Variants in NF1 observed in about 807,000 individuals in gnomAD.
NF1 encodes neurofibromin.
Under a neutral mutation model 325.7 loss-of-function variants are expected in NF1, and 122 were observed. That is an observed-to-expected ratio of 0.37 (90% CI 0.32 to 0.44). The LOEUF (loss-of-function observed/expected upper bound fraction) is 0.44. NF1 is among the 20% of genes least tolerant of loss of function. The pLI, the probability that NF1 is intolerant of heterozygous loss-of-function variation, is 1.00. For synonymous variants in NF1, 1,091 were observed against 1,186.0 expected (o/e 0.92, Z 1.65); for missense variants, 2,140 against 3,415.4 (o/e 0.63, Z 9.31).
At chr17:31,289,466 T>G (rs562546874) in intron 36 of NF1, among the ~76,000 whole-genome samples, 179 of 152,372 alleles carry the variant, frequency 1.2e-3, no homozygotes, top group African/African-American at 3.9e-3. Context: ...GTTCTTTTCT[T>G]AGATCTCTTG....
At position 31,357,445 on chromosome 17, in the gene NF1, G is replaced by A; in HGVS notation, c.7970+76G>A. 3.4e-6 allele frequency: 4 copies of A among 1,177,088 alleles called. No individual in the cohort carries two copies. The South Asian group carries it at 4.9e-5, about 14-fold the overall frequency. The allele number at this position is 1,177,088 out of a possible 1,614,324, so 72.9% of individuals were successfully genotyped here. On this transcript the variant is annotated intron_variant, in intron 54 of 57. Coordinates refer to ENST00000358273, the MANE Select transcript of NF1 (RefSeq NM_001042492.3). ...AAATGCTTACCCAGTAATGTGCACT[G>A]GTTGCAAAGAGGGCAAAATGAGATA... is the stretch of plus-strand genomic sequence containing the variant.
intron 1 of NF1, among the ~76,000 whole-genome samples, chr17:31,152,567 A>G (rs1382317572): frequency 1.5e-5 from 2 of 136,842 alleles, no homozygotes; most frequent in African/African-American, 5.5e-5. Context: ...ACATTTGTTT[A>G]CTCTTAAAGC....
rs1567849181 is a variant in NF1 at position 31,229,424 on chromosome 17, T to G, written c.2809T>G (p.Leu937Val). 6.2e-7 allele frequency: 1 copy of G among 1,613,800 alleles called. No homozygotes were observed. The highest frequency in any genetic ancestry group is 1.3e-5 in the African/African-American group (1 of 74,922). ...TCTGTATCCAATGCTATTTAACAAA[T>G]TGAAGAATACCATCAGCAAGTTTTT... The part of the protein sequence containing the change: ...PALYPMLFNK[L>V]KNTISKFFDS... Residue 937 changes from leucine (L) to valine (V), a missense_variant, in exon 21 of 58, where the codon TTG becomes GTG. By Grantham distance (32) the Leu-to-Val change is conservative. Around this residue, in one of 10 missense-constraint regions of NF1, gnomAD observed 380 missense variants for 639.3 expected, o/e 0.59. Coordinates refer to ENST00000358273, the MANE Select transcript of NF1 (RefSeq NM_001042492.3).
At chr17:31,360,818 C>G in intron 57 of NF1, 115 bp downstream of exon 57, 2 of 864,440 alleles carry the variant, frequency 2.3e-6, no homozygotes, top group South Asian at 2.7e-5. Context: ...TGAGATTCAC[C>G]TTACATTTCT....
chr17:31,254,937 G>T (rs1034682511), intron 31 of NF1, among the ~76,000 whole-genome samples: 19 of 152,066 alleles, frequency 1.2e-4, no homozygotes, highest in African/African-American at 4.6e-4. Flanking sequence ...ATGGAGTTGT[G>T]TGCTTTAACA....
rs17883478 is a variant in NF1 at position 31,277,193 on chromosome 17, G to A, written c.4835+11854G>A. ...AAGAGGGATTGGTCTTACTGTCCCC[G>A]GGCTGGCAGAGGTGGAAGTAAACCT... On this transcript the variant is annotated intron_variant, in intron 36 of 57. Coordinates refer to ENST00000358273, the MANE Select transcript of NF1 (RefSeq NM_001042492.3). Among the ~76,000 whole-genome samples, 39 of 152,216 alleles carry A rather than the reference G, an allele frequency of 2.6e-4. No homozygotes were observed. The East Asian group carries it at 2.7e-3, about 11-fold the overall frequency.
rs562491199 is a variant in NF1 at position 31,242,918 on chromosome 17, G to T, written c.3975-6066G>T. 3.0e-4 allele frequency among the ~76,000 whole-genome samples: 45 copies of T among 152,276 alleles called. 1 individual carries two copies. In the South Asian group the frequency reaches 8.7e-3, roughly 29 times the overall value. On this transcript the variant is annotated intron_variant, in intron 29 of 57. Transcript: ENST00000358273. ...TAGTCTTTGTAGTCTGGGCTTGTTT[G>T]TACCCACCCTTCTGGGGAAGGCTTT... is the stretch of plus-strand genomic sequence containing the variant.
At chr17:31,260,258 C>A in intron 33 of NF1, 111 bp from the exon 34 acceptor site, 1 of 1,128,680 alleles carries the variant, frequency 8.9e-7, no homozygotes, top group Non-Finnish European at 1.3e-6. Context: ...AACAAGCCCT[C>A]CATATTTGTA....
At chr17:31,173,143 G>A (rs1332322744) in intron 5 of NF1, among the ~76,000 whole-genome samples, 3 of 152,136 alleles carry the variant, frequency 2.0e-5, no homozygotes, top group African/African-American at 4.8e-5. Flanking sequence ...TGGGCTGGGC[G>A]CGGTGGCTCA....
At chr17:31,269,119 A>G (rs986599658) in intron 36 of NF1, among the ~76,000 whole-genome samples, 3 of 152,096 alleles carry the variant, frequency 2.0e-5, no homozygotes, top group East Asian at 1.9e-4. Context: ...TGTCTTACCT[A>G]TACTAATGTA....
chr17:31,211,215 A>G (rs545353143), intron 12 of NF1, among the ~76,000 whole-genome samples: 70 of 152,326 alleles, frequency 4.6e-4, no homozygotes, highest in Non-Finnish European at 7.8e-4. Context: ...TTCTATTCCT[A>G]CTAATACCTG....
At chr17:31,266,007 T>C (rs1328089282) in intron 36 of NF1, among the ~76,000 whole-genome samples, 1 of 152,208 alleles carries the variant, frequency 6.6e-6, no homozygotes, top group East Asian at 1.9e-4. Context: ...TGTGACGTTA[T>C]TTGGTCAGTT....
At chr17:31,216,403 G>T (rs2143969624) in intron 13 of NF1, among the ~76,000 whole-genome samples, 1 of 152,248 alleles carries the variant, frequency 6.6e-6, no homozygotes, top group East Asian at 1.9e-4. Flanking sequence ...AAGATTCGTT[G>T]TAAATATTTG....
At chr17:31,276,702 T>C (rs1273726455) in intron 36 of NF1, among the ~76,000 whole-genome samples, 5 of 152,218 alleles carry the variant, frequency 3.3e-5, no homozygotes, top group Admixed American at 2.6e-4. Flanking sequence ...ACATAATACA[T>C]GATAAGAATA....
intron 24 of NF1, among the ~76,000 whole-genome samples, chr17:31,231,333 C>G (rs2151432919): frequency 6.6e-6 from 1 of 152,206 alleles, no homozygotes; most frequent in Non-Finnish European, 1.5e-5. Flanking sequence ...AGGAAGTAAT[C>G]AAGTCTGCTT....
intron 14 of NF1, 189 bp downstream of exon 14, chr17:31,219,307 T>A: frequency 2.0e-6 from 1 of 495,442 alleles, no homozygotes; most frequent in Non-Finnish European, 3.6e-6. Context: ...TTGTATCACA[T>A]AGCAATAACA....
intron 15 of NF1, chr17:31,222,794 C>A: frequency 6.2e-6 from 1 of 162,526 alleles, no homozygotes; most frequent in East Asian, 1.5e-4. Context: ...CAGCACATCT[C>A]AATTTGAACA....
intron 36 of NF1, among the ~76,000 whole-genome samples, chr17:31,275,177 A>G (rs1470281778): frequency 6.6e-6 from 1 of 152,206 alleles, no homozygotes; most frequent in East Asian, 1.9e-4. Context: ...CAACTTGCCC[A>G]AAGTGTAATA....
At chr17:31,102,381 G>T (rs1396605465) in intron 1 of NF1, among the ~76,000 whole-genome samples, 3 of 152,018 alleles carry the variant, frequency 2.0e-5, no homozygotes, top group African/African-American at 7.2e-5. Flanking sequence ...GTGTGTGACA[G>T]AGTCTTGCTC....
Sources: allele counts gnomAD v4.1 joint callset (sites outside exome capture counted in the v4.1 genomes callset), GRCh38; gene constraint gnomAD v4.1.1; regional missense constraint gnomAD v4.1.1; transcripts MANE v1.5; gene names NCBI Gene and HGNC (gene_info 2026-07-23, HGNC 2026-07-21).